EYS: variants seen among roughly 807,000 people sequenced by gnomAD.
EYS encodes the protein EGF-like photoreceptor maintenance factor, also known as protein eyes shut homolog.
In EYS, 250 loss-of-function variants were observed where a neutral mutation model predicts 282.1. The ratio of observed to expected loss-of-function variants is 0.89; its 90% confidence interval spans 0.80 to 0.98. The LOEUF (loss-of-function observed/expected upper bound fraction) is 0.98. Among genes scored for constraint, EYS ranks in the 50% least tolerant of loss-of-function variants. The pLI, the probability that EYS is intolerant of heterozygous loss-of-function variation, is 0.00. For synonymous variants in EYS, 1,355 were observed against 1,282.9 expected (o/e 1.06, Z -1.20); for missense variants, 4,016 against 3,709.0 (o/e 1.08, Z -2.15).
intron 12 of EYS, among the ~76,000 whole-genome samples, chr6:65,257,588 C>T (rs564709244): frequency 5.3e-5 from 8 of 150,782 alleles, no homozygotes; most frequent in Non-Finnish European, 8.9e-5. Flanking sequence ...TGTAGGTAAG[C>T]GGCGTTATTT....
At chr6:65,136,471 C>T (rs1382483977) in intron 12 of EYS, among the ~76,000 whole-genome samples, 1 of 151,930 alleles carries the variant, frequency 6.6e-6, no homozygotes, top group Non-Finnish European at 1.5e-5. Flanking sequence ...AAGGTCTACC[C>T]TGAAAACACT....
intron 19 of EYS, among the ~76,000 whole-genome samples, chr6:64,843,161 C>A (rs1158645210): frequency 6.6e-6 from 1 of 152,122 alleles, no homozygotes; most frequent in East Asian, 1.9e-4. Context: ...CCTGGATGCC[C>A]AGGGAAAAGC....
intron 35 of EYS, among the ~76,000 whole-genome samples, chr6:63,952,780 G>A (rs1356880395): frequency 6.6e-6 from 1 of 151,934 alleles, no homozygotes; most frequent in African/African-American, 2.4e-5. Flanking sequence ...CACAAGTATG[G>A]GACACCTCTA....
At chr6:64,231,101 T>C (rs1277241237) in intron 30 of EYS, among the ~76,000 whole-genome samples, 2 of 152,096 alleles carry the variant, frequency 1.3e-5, no homozygotes, top group Non-Finnish European at 2.9e-5. Flanking sequence ...AAAAACATAG[T>C]CCTCCTTTAG....
chr6:64,552,935 C>T (rs527259595), intron 26 of EYS, among the ~76,000 whole-genome samples: 2 of 145,894 alleles, frequency 1.4e-5, no homozygotes, highest in Admixed American at 6.8e-5. Flanking sequence ...CCCCTCCCCC[C>T]CAAAAAAAGA....
intron 12 of EYS, among the ~76,000 whole-genome samples, chr6:65,215,260 G>A (rs1766283004): frequency 6.6e-6 from 1 of 152,122 alleles, no homozygotes; most frequent in Non-Finnish European, 1.5e-5. Context: ...TGTGGTTCAT[G>A]GGAGGAGGTC....
chr6:65,061,572 G>A (rs1432041280), intron 12 of EYS, among the ~76,000 whole-genome samples: 1 of 151,740 alleles, frequency 6.6e-6, no homozygotes, highest in Non-Finnish European at 1.5e-5. Context: ...TAAGTTTCAT[G>A]TGTTAATTTC....
At chr6:65,206,091 T>C (rs1766026553) in intron 12 of EYS, among the ~76,000 whole-genome samples, 1 of 151,364 alleles carries the variant, frequency 6.6e-6, no homozygotes, top group South Asian at 2.1e-4. Flanking sequence ...ATCAACAAAA[T>C]GAAAAGTTGT....
intron 33 of EYS, among the ~76,000 whole-genome samples, chr6:64,056,638 A>G (rs1215754990): frequency 6.6e-6 from 1 of 152,130 alleles, no homozygotes; most frequent in Non-Finnish European, 1.5e-5. Flanking sequence ...TGCTATTACC[A>G]CGCAAACAGG....
chr6:65,610,457 G>T (rs898161998), intron 2 of EYS, among the ~76,000 whole-genome samples: 2 of 151,974 alleles, frequency 1.3e-5, no homozygotes, highest in Non-Finnish European at 1.5e-5. Flanking sequence ...ACATTTTTAT[G>T]TTTATATTTT....
At chr6:63,725,095 G>A (rs1045317549) in intron 42 of EYS, among the ~76,000 whole-genome samples, 2 of 152,094 alleles carry the variant, frequency 1.3e-5, no homozygotes, top group African/African-American at 4.8e-5. Flanking sequence ...GTTTAAGCAT[G>A]TAGAACTTAT....
At chr6:64,813,246 G>A (rs925041322) in intron 22 of EYS, 132 bp downstream of exon 22, 4 of 572,178 alleles carry the variant, frequency 7.0e-6, no homozygotes, top group Non-Finnish European at 1.2e-5. Context: ...TTTCTAAGTT[G>A]TGCTTATATA....
intron 31 of EYS, among the ~76,000 whole-genome samples, chr6:64,160,051 G>A (rs1270852303): frequency 6.6e-6 from 1 of 152,122 alleles, no homozygotes; most frequent in Non-Finnish European, 1.5e-5. Flanking sequence ...GTTGTGAAAT[G>A]GTAAAACCGA....
chr6:63,899,428 T>A (rs1326673692), intron 35 of EYS, among the ~76,000 whole-genome samples: 1 of 152,216 alleles, frequency 6.6e-6, no homozygotes, highest in African/African-American at 2.4e-5. Flanking sequence ...GTGGAAATGA[T>A]GCCAAACATT....
chr6:64,840,619 T>G (rs146383168), intron 19 of EYS, among the ~76,000 whole-genome samples: 4 of 152,106 alleles, frequency 2.6e-5, no homozygotes, highest in African/African-American at 9.7e-5. Flanking sequence ...TGAACCCTCA[T>G]TGCTCGTTGA....
chr6:65,144,637 TC>T lies in EYS; in HGVS notation c.2024-86911del, dbSNP rs1323409202. On this transcript the variant is annotated intron_variant, in intron 12 of 42. Coordinates refer to ENST00000503581, the MANE Select transcript of EYS (RefSeq NM_001142800.2). ...CTTACTTTTTTCTCTGTCTCCATGATCATAATTCATTGATTTAAAATTGAAC... is the reference window on the plus strand; with the variant it reads ...CTTACTTTTTTCTCTGTCTCCATGATATAATTCATTGATTTAAAATTGAAC... 6.6e-5 allele frequency among the ~76,000 whole-genome samples: 10 copies of T among 152,286 alleles called. No homozygotes were observed. In the East Asian group the frequency reaches 1.7e-3, roughly 27 times the overall value.
intron 31 of EYS, among the ~76,000 whole-genome samples, chr6:64,121,146 C>T (rs1773575926): frequency 6.6e-6 from 1 of 152,140 alleles, no homozygotes; most frequent in Non-Finnish European, 1.5e-5. Flanking sequence ...CATCTCTCCT[C>T]CTTCTCCCTC....
chr6:63,994,028 T>A (rs367774932), intron 34 of EYS, among the ~76,000 whole-genome samples: 1 of 151,922 alleles, frequency 6.6e-6, no homozygotes, highest in Non-Finnish European at 1.5e-5. Flanking sequence ...GTACCACAAA[T>A]GCATGTGGAA....
At chr6:64,815,139 T>C in intron 21 of EYS, 1 of 382,072 alleles carries the variant, frequency 2.6e-6, no homozygotes, top group Non-Finnish European at 5.2e-6. Flanking sequence ...TAGATAGTGA[T>C]CTTGTACACC....
Sources: allele counts gnomAD v4.1 joint callset (sites outside exome capture counted in the v4.1 genomes callset), GRCh38; gene constraint gnomAD v4.1.1; transcripts MANE v1.5; gene names NCBI Gene and HGNC (gene_info 2026-07-23, HGNC 2026-07-21).